The following FER variants were observed in gnomAD, a reference collection of about 807,000 sequenced individuals.
FER encodes FER tyrosine kinase, also known as tyrosine-protein kinase Fer.
In FER, 63 loss-of-function variants were observed where a neutral mutation model predicts 111.0. The ratio of observed to expected loss-of-function variants is 0.57; its 90% CI spans 0.46 to 0.70. The LOEUF is 0.70. FER is among the 30% of genes least tolerant of loss of function. The probability of loss-of-function intolerance (pLI) is 0.00; values close to 1 mark genes in which losing one functional copy is unlikely to be tolerated. For missense variants in FER, 914 were observed against 954.0 expected (o/e 0.96, Z 0.55); for synonymous variants, 327 against 313.9 (o/e 1.04, Z -0.44).
intron 13 of FER, among the ~76,000 whole-genome samples, chr5:108,971,159 C>T (rs888144644): frequency 2.7e-5 from 4 of 150,538 alleles, no homozygotes; most frequent in African/African-American, 9.8e-5. Flanking sequence ...AAACCAATTC[C>T]TAGTATAATA....
At chr5:109,084,516 A>T (rs371278837) in intron 16 of FER, among the ~76,000 whole-genome samples, 1 of 147,890 alleles carries the variant, frequency 6.8e-6, no homozygotes, top group Non-Finnish European at 1.5e-5. Context: ...ATAAAAAAAA[A>T]TTTAAAAAAT....
intron 16 of FER, among the ~76,000 whole-genome samples, chr5:109,062,644 G>A (rs922468653): frequency 2.6e-5 from 4 of 152,000 alleles, no homozygotes; most frequent in East Asian, 3.8e-4. Context: ...GAAAGATGCC[G>A]TGATGAATAG....
chr5:109,118,641 T>A (rs1750574552), intron 17 of FER, among the ~76,000 whole-genome samples: 1 of 152,134 alleles, frequency 6.6e-6, no homozygotes, highest in Non-Finnish European at 1.5e-5. Context: ...GGTCCTGGAC[T>A]TTTTTTGGTT....
chr5:108,837,026 A>G (rs999331841), intron 5 of FER, among the ~76,000 whole-genome samples: 25 of 152,204 alleles, frequency 1.6e-4, no homozygotes, highest in African/African-American at 5.5e-4. Flanking sequence ...TAATGTAGAT[A>G]TATCTTTTGA....
chr5:108,751,270 G>GTA (rs917497387), intron 1 of FER, among the ~76,000 whole-genome samples: 1 of 152,104 alleles, frequency 6.6e-6, no homozygotes, highest in Non-Finnish European at 1.5e-5. Context: ...TAGTATACAT[G>GTA]TATATACACA....
intron 15 of FER, among the ~76,000 whole-genome samples, chr5:109,046,696 G>A (rs1772029099): frequency 6.6e-6 from 1 of 152,000 alleles, no homozygotes; most frequent in Non-Finnish European, 1.5e-5. Flanking sequence ...CATCTGTACA[G>A]AACATGTACA....
At chr5:108,771,942 G>A (rs974555385) in intron 2 of FER, among the ~76,000 whole-genome samples, 8 of 152,120 alleles carry the variant, frequency 5.3e-5, no homozygotes, top group African/African-American at 1.7e-4. Flanking sequence ...CTGAGACTGA[G>A]TAATTTATAA....
rs1324395545 is a variant in FER, at chr5:109,190,549, A to C, written c.*2974A>C. The C allele has an allele frequency of 1.3e-5, 2 of 152,184 alleles. No homozygotes were observed. Among genetic ancestry groups the C allele is most frequent in the African/African-American group, 4.8e-5 (2 of 41,456 alleles). The allele number at this position is 152,184 out of a possible 1,614,324, so 9.4% of individuals were successfully genotyped here. On this transcript the variant is annotated 3_prime_UTR_variant, in exon 20 of 20. Coordinates refer to ENST00000281092, the MANE Select transcript of FER (RefSeq NM_005246.4). The stretch of plus-strand genomic sequence containing the variant: ...ACTGTTAAATTAACATTTATTACCA[A>C]CATGTGAAACCTAAAATTAATTTTG...
intron 10 of FER, among the ~76,000 whole-genome samples, chr5:108,911,017 C>G (rs1414338278): frequency 6.6e-6 from 1 of 152,012 alleles, no homozygotes; most frequent in African/African-American, 2.4e-5. Context: ...AGTAGTAGTT[C>G]TATTTTTAGT....
intron 13 of FER, among the ~76,000 whole-genome samples, chr5:108,982,864 C>T (rs542636112): frequency 2.6e-5 from 4 of 152,080 alleles, no homozygotes; most frequent in African/African-American, 7.2e-5. Flanking sequence ...CATTTATTAG[C>T]ATTTACCTAC....
chr5:108,752,867 A>G (rs76804224), intron 1 of FER, among the ~76,000 whole-genome samples: 1 of 152,148 alleles, frequency 6.6e-6, no homozygotes, highest in African/African-American at 2.4e-5. Flanking sequence ...TGATATTGTC[A>G]CTTTTTTTAG....
chr5:108,864,525 C>A (rs571604802), intron 5 of FER, among the ~76,000 whole-genome samples: 1 of 152,086 alleles, frequency 6.6e-6, no homozygotes, highest in African/African-American at 2.4e-5. Context: ...GGGAGCCTGC[C>A]GTCAAAAATT....
At chr5:109,037,943 A>G (rs1306161963) in intron 14 of FER, among the ~76,000 whole-genome samples, 1 of 151,950 alleles carries the variant, frequency 6.6e-6, no homozygotes, top group Non-Finnish European at 1.5e-5. Flanking sequence ...AACACTGGGC[A>G]TATTTCAATC....
chr5:109,188,387 C>CAA lies in FER; in HGVS notation c.*824_*825dup, dbSNP rs367719763. 2.8e-3 allele frequency: 384 copies of CAA among 136,440 alleles called. 1 individual carries two copies. The highest frequency in any genetic ancestry group is 7.0e-3 in the African/African-American group (260 of 37,204). The allele number at this position is 136,440 out of a possible 1,614,324, so 8.5% of individuals were successfully genotyped here. A position where few individuals can be genotyped will look rare whatever the true frequency, so the allele number is the denominator to read the frequency against. On this transcript the variant is annotated 3_prime_UTR_variant, in exon 20 of 20. Coordinates refer to ENST00000281092, the MANE Select transcript of FER (RefSeq NM_005246.4). ...TTGCATGGTGAAACCCTGTCTCTAC[C>CAA]AAAAAAAAAAAAAGAAACACACACA...
chr5:109,034,524 A>G (rs1770095210), intron 13 of FER, among the ~76,000 whole-genome samples: 1 of 151,900 alleles, frequency 6.6e-6, no homozygotes, highest in South Asian at 2.1e-4. Context: ...CTGCTTTCAC[A>G]ATGACCATGT....
In FER at chr5:109,192,416, T is replaced by G. The variant is rs998573024; in HGVS notation, c.*4841T>G. On this transcript the variant is annotated 3_prime_UTR_variant, in exon 20 of 20. Coordinates refer to ENST00000281092, the MANE Select transcript of FER (RefSeq NM_005246.4). ...AGCAAAAGCAGTCATCTCCAGTGTG[T>G]GGGCCTTAGCAAAGAGTAAACCAAA... The G allele has an allele frequency of 6.6e-6, 1 of 152,178 alleles. No individual in the cohort carries two copies. The highest frequency in any genetic ancestry group is 2.4e-5 in the African/African-American group (1 of 41,452). 9.4% of individuals were successfully genotyped at this position (152,178 alleles called of 1,614,324 possible). A position where few individuals can be genotyped will look rare whatever the true frequency, so the allele number is the denominator to read the frequency against.
intron 8 of FER, among the ~76,000 whole-genome samples, chr5:108,879,499 A>G (rs983018252): frequency 4.0e-5 from 6 of 151,822 alleles, no homozygotes; most frequent in African/African-American, 2.4e-5. Context: ...GAAACATGTA[A>G]TAACATGATG....
At chr5:108,912,309 T>G (rs1268487722) in intron 10 of FER, among the ~76,000 whole-genome samples, 2 of 152,140 alleles carry the variant, frequency 1.3e-5, no homozygotes, top group Non-Finnish European at 2.9e-5. Flanking sequence ...AACAACAAAT[T>G]TCTTTAAGTG....
Position 109,187,628 on chromosome 5 carries a change from ACATTATTGTTCT to A in FER, c.*59_*70del, listed in dbSNP as rs1759031450. On this transcript the variant is annotated 3_prime_UTR_variant, in exon 20 of 20. Coordinates refer to ENST00000281092, the MANE Select transcript of FER (RefSeq NM_005246.4). The stretch of plus-strand genomic sequence containing the variant: ...CAGGACTCTGTCCTCCAGCAGAGTA[ACATTATTGTTCT>A]CATTAACAATGAATTTATACCACAT... The A allele has an allele frequency of 7.5e-6, 12 of 1,593,540 alleles. No individual in the cohort carries two copies. The highest frequency in any genetic ancestry group is 9.4e-6 in the Non-Finnish European group (11 of 1,164,850).
Sources: allele counts gnomAD v4.1 joint callset (sites outside exome capture counted in the v4.1 genomes callset), GRCh38; gene constraint gnomAD v4.1.1; transcripts MANE v1.5; gene names NCBI Gene and HGNC (gene_info 2026-07-23, HGNC 2026-07-21).